The following IFT88 variants were observed in gnomAD, a reference collection of about 807,000 sequenced individuals.
IFT88 encodes intraflagellar transport protein 88 homolog.
A neutral mutation model predicts 119.5 loss-of-function variants in IFT88; 74 were observed. The ratio of observed to expected loss-of-function variants is 0.62; its 90% CI spans 0.51 to 0.75. The LOEUF (loss-of-function observed/expected upper bound fraction) is 0.75. IFT88 is among the 30% of genes least tolerant of loss of function. The pLI, the probability that IFT88 is intolerant of heterozygous loss-of-function variation, is 0.00. For missense variants in IFT88, 961 were observed against 977.7 expected (o/e 0.98, Z 0.23); for synonymous variants, 279 against 316.7 (o/e 0.88, Z 1.26).
At chr13:20,629,325 T>A (rs990441286) in intron 15 of IFT88, among the ~76,000 whole-genome samples, 1 of 152,186 alleles carries the variant, frequency 6.6e-6, no homozygotes, top group African/African-American at 2.4e-5. Context: ...TTCTATAGGA[T>A]AAGCAATATT....
In IFT88 at chr13:20,567,162, A is replaced by C. The variant is rs983117112; in HGVS notation, c.-101A>C. The C allele has an allele frequency of 3.3e-5, 5 of 151,598 alleles. No individual in the cohort carries two copies. Among genetic ancestry groups the C allele is most frequent in the African/African-American group, 1.2e-4 (5 of 41,186 alleles). 9.4% of individuals were successfully genotyped at this position (151,598 alleles called of 1,614,324 possible). On this transcript the variant is annotated 5_prime_UTR_variant, in exon 1 of 26. Transcript: ENST00000351808. Reference sequence around the variant, plus strand: ...AGGACTGTGGGAGCGGCTTCCTTGGATTCCGCGCTTGGCAACGGCTCGGCG... The same window carrying C: ...AGGACTGTGGGAGCGGCTTCCTTGGCTTCCGCGCTTGGCAACGGCTCGGCG...
chr13:20,678,243 T>A (rs4769126), intron 24 of IFT88, among the ~76,000 whole-genome samples: 150,920 of 152,324 alleles, frequency 0.99, 74,777 homozygotes, highest in East Asian at 1. Context: ...AAACAATGCA[T>A]ACTTGCCAAG....
intron 23 of IFT88, 139 bp from the exon 24 acceptor site, chr13:20,670,834 C>G: frequency 3.9e-5 from 14 of 355,758 alleles, no homozygotes; most frequent in East Asian, 5.2e-5. Context: ...TTTTTTTTTT[C>G]TATAGAATCA....
chr13:20,589,972 A>G, intron 4 of IFT88, 105 bp downstream of exon 4: 2 of 575,024 alleles, frequency 3.5e-6, no homozygotes, highest in Middle Eastern at 3.4e-4. Context: ...TAATCCAAAT[A>G]TATTTTCTAT....
chr13:20,620,646 A>T (rs1406621172), intron 14 of IFT88, among the ~76,000 whole-genome samples: 1 of 151,842 alleles, frequency 6.6e-6, no homozygotes, highest in African/African-American at 2.4e-5. Context: ...GCTCACTGCA[A>T]CCTCCACCTC....
intron 24 of IFT88, among the ~76,000 whole-genome samples, chr13:20,672,786 C>G (rs1243268224): frequency 6.6e-6 from 1 of 152,206 alleles, no homozygotes; most frequent in Non-Finnish European, 1.5e-5. Context: ...TGAATAGCCT[C>G]AAATCAAGTC....
At chr13:20,591,544 T>A in intron 5 of IFT88, 74 bp from the exon 6 acceptor site, 1 of 1,066,898 alleles carries the variant, frequency 9.4e-7, no homozygotes, top group Non-Finnish European at 1.4e-6. Context: ...TATATTAAGG[T>A]GTGTGTAATG....
At chr13:20,650,955 C>A (rs1318731943) in intron 20 of IFT88, among the ~76,000 whole-genome samples, 2 of 152,074 alleles carry the variant, frequency 1.3e-5, no homozygotes, top group Admixed American at 6.5e-5. Flanking sequence ...CACCTTTTGG[C>A]ACCTTTGTTG....
chr13:20,597,672 A>G (rs1269276259), intron 9 of IFT88, among the ~76,000 whole-genome samples: 8 of 151,380 alleles, frequency 5.3e-5, no homozygotes, highest in Admixed American at 1.3e-4. Flanking sequence ...TGAACCCGGG[A>G]GGCGGAGCTT....
At chr13:20,649,061 T>C (rs1482439934) in intron 20 of IFT88, among the ~76,000 whole-genome samples, 1 of 152,206 alleles carries the variant, frequency 6.6e-6, no homozygotes, top group Non-Finnish European at 1.5e-5. Context: ...AGACCTCATA[T>C]TAGTTTGAGA....
chr13:20,690,603 C>G (rs1216477941), intron 24 of IFT88, 102 bp from the exon 25 acceptor site: 5 of 732,910 alleles, frequency 6.8e-6, no homozygotes, highest in South Asian at 1.7e-5. Flanking sequence ...AATTAAACAA[C>G]CTGCTTGTTT....
Position 20,577,857 on chromosome 13 carries a change from C to T in IFT88, c.90+3382C>T, listed in dbSNP as rs377712885. ...TTGTCAGGTTTTGGTATCGGTAATA[C>T]TGGCCTTATAGAATGAGTTTGGAAG... On this transcript the variant is annotated intron_variant, in intron 2 of 25. Coordinates refer to ENST00000351808, the MANE Select transcript of IFT88 (RefSeq NM_006531.5). Among the ~76,000 whole-genome samples, 77 of 152,032 alleles carry T rather than the reference C, an allele frequency of 5.1e-4. No homozygotes were observed. The South Asian group carries it at 0.016, about 31-fold the overall frequency.
In IFT88 at chr13:20,601,761, A is replaced by C; in HGVS notation, c.869A>C (p.Asp290Ala). The change falls in exon 12 of 26, where the codon GAT becomes GCT. Residue 290 changes from aspartate to alanine, a missense_variant. Coordinates refer to ENST00000351808, the MANE Select transcript of IFT88 (RefSeq NM_006531.5). ...TTTATTCAGGCTGGTCAGTATTCAGATGCTATTAATTCATATGAGCACATA... is the reference window on the plus strand; with the variant it reads ...TTTATTCAGGCTGGTCAGTATTCAGCTGCTATTAATTCATATGAGCACATA... ...VTFIQAGQYS[D>A]AINSYEHIMS... is the part of the protein sequence containing the mutation. 1 of 1,613,398 alleles carries C rather than the reference A, an allele frequency of 6.2e-7. No homozygotes were observed. The highest frequency in any genetic ancestry group is 8.5e-7 in the Non-Finnish European group (1 of 1,179,350).
chr13:20,617,008 A>C (rs2045734794), intron 14 of IFT88, among the ~76,000 whole-genome samples: 1 of 151,982 alleles, frequency 6.6e-6, no homozygotes, highest in Non-Finnish European at 1.5e-5. Flanking sequence ...CAGTGGCGCA[A>C]TCTCGGCTCA....
intron 17 of IFT88, 25 bp downstream of exon 17, chr13:20,638,543 T>C (rs748183959): frequency 7.4e-7 from 1 of 1,350,550 alleles, no homozygotes; most frequent in Non-Finnish European, 9.7e-7. Flanking sequence ...GGGAAATTGC[T>C]TTTTAAATTA....
At chr13:20,666,494 A>T (rs1210564538) in intron 23 of IFT88, among the ~76,000 whole-genome samples, 1 of 152,234 alleles carries the variant, frequency 6.6e-6, no homozygotes, top group African/African-American at 2.4e-5. Flanking sequence ...CCACCAGCTC[A>T]TAATGGTTCT....
At chr13:20,605,155 A>G (rs771174655) in intron 13 of IFT88, 50 bp downstream of exon 13, 7 of 745,110 alleles carry the variant, frequency 9.4e-6, no homozygotes, top group East Asian at 8.6e-5. Context: ...TATTTAAAAT[A>G]TTTAATGTTT....
chr13:20,574,002 G>A (rs567619423), intron 1 of IFT88, among the ~76,000 whole-genome samples: 3 of 152,316 alleles, frequency 2.0e-5, no homozygotes, highest in African/African-American at 7.2e-5. Context: ...GACCACAAAT[G>A]TCATTAAATA....
intron 18 of IFT88, 119 bp from the exon 19 acceptor site, chr13:20,643,336 A>G: frequency 1.4e-6 from 1 of 720,510 alleles, no homozygotes; most frequent in Non-Finnish European, 2.2e-6. Context: ...TCCAGAGGAA[A>G]CAGTATACAA....
Sources: allele counts gnomAD v4.1 joint callset (sites outside exome capture counted in the v4.1 genomes callset), GRCh38; gene constraint gnomAD v4.1.1; transcripts MANE v1.5; gene names NCBI Gene and HGNC (gene_info 2026-07-23, HGNC 2026-07-21).